SPAG16: variants seen among roughly 807,000 people sequenced by gnomAD.
The protein encoded by SPAG16 is sperm associated antigen 16.
In SPAG16, 86 loss-of-function variants were observed where a neutral mutation model predicts 80.4. That is an observed-to-expected ratio of 1.07 (90% CI 0.90 to 1.28). The LOEUF is 1.28. SPAG16 is among the 50% of genes most tolerant of loss of function. The pLI, the probability that SPAG16 is intolerant of heterozygous loss-of-function variation, is 0.00. For missense variants in SPAG16, 870 were observed against 765.3 expected, an observed-to-expected ratio of 1.14 and a Z score of -1.61; for synonymous variants, 294 against 265.9, an observed-to-expected ratio of 1.11 and a Z score of -1.03.
intron 15 of SPAG16, among the ~76,000 whole-genome samples, chr2:214,210,642 T>A (rs190972915): frequency 1.9e-4 from 29 of 152,206 alleles, no homozygotes; most frequent in African/African-American, 7.0e-4. Context: ...TTTTAAGCAT[T>A]ACAAATGATT....
At chr2:214,042,007 T>TATATATATATATAC (rs1371293247) in intron 13 of SPAG16, among the ~76,000 whole-genome samples, 16 of 101,216 alleles carry the variant, frequency 1.6e-4, no homozygotes, top group African/African-American at 6.1e-4. Flanking sequence ...TATATATATA[T>TATATATATATATAC]ACACACACAC....
At chr2:214,101,580 G>A (rs947520601) in intron 13 of SPAG16, among the ~76,000 whole-genome samples, 2 of 152,104 alleles carry the variant, frequency 1.3e-5, no homozygotes, top group Admixed American at 6.6e-5. Context: ...AGCCCATGGA[G>A]GGTTAGGAGG....
At chr2:213,403,922 CAG>C (rs1184519284) in intron 9 of SPAG16, among the ~76,000 whole-genome samples, 1 of 152,128 alleles carries the variant, frequency 6.6e-6, no homozygotes, top group Non-Finnish European at 1.5e-5. Context: ...AAGAGACAAA[CAG>C]AGAGCCAAAT....
At chr2:213,288,954 T>A (rs1307497739) in intron 1 of SPAG16, among the ~76,000 whole-genome samples, 1 of 152,200 alleles carries the variant, frequency 6.6e-6, no homozygotes, top group African/African-American at 2.4e-5. Context: ...GACTAAGAAC[T>A]ATGTTACTAA....
chr2:213,777,125 A>G (rs568155379), intron 10 of SPAG16, among the ~76,000 whole-genome samples: 1 of 151,322 alleles, frequency 6.6e-6, no homozygotes, highest in East Asian at 1.9e-4. Context: ...TTTGAAAAAT[A>G]TTTCCTAAAG....
intron 10 of SPAG16, among the ~76,000 whole-genome samples, chr2:213,756,772 T>TC (rs1361892005): frequency 6.6e-6 from 1 of 151,750 alleles, no homozygotes; most frequent in Non-Finnish European, 1.5e-5. Flanking sequence ...TCAAATAGTT[T>TC]TTTTTTATAT....
chr2:214,081,463 C>T (rs192447109), intron 13 of SPAG16, among the ~76,000 whole-genome samples: 2 of 152,202 alleles, frequency 1.3e-5, no homozygotes, highest in African/African-American at 2.4e-5. Flanking sequence ...GACTGATGCT[C>T]TCATAAAAAG....
intron 10 of SPAG16, among the ~76,000 whole-genome samples, chr2:213,502,359 G>A (rs1409136228): frequency 1.3e-5 from 2 of 152,122 alleles, no homozygotes; most frequent in Non-Finnish European, 2.9e-5. Context: ...CTGGGCTCAA[G>A]CGATTCTTCT....
At chr2:213,423,396 A>G (rs1156684977) in intron 9 of SPAG16, among the ~76,000 whole-genome samples, 1 of 152,202 alleles carries the variant, frequency 6.6e-6, no homozygotes, top group Non-Finnish European at 1.5e-5. Flanking sequence ...CTTAAAATTA[A>G]TGATACAGGA....
chr2:214,068,093 A>C (rs557827657), intron 13 of SPAG16, among the ~76,000 whole-genome samples: 1 of 152,166 alleles, frequency 6.6e-6, no homozygotes, highest in Admixed American at 6.6e-5. Flanking sequence ...TTCCACAACT[A>C]TCACTGGCTC....
At position 213,306,274 on chromosome 2, in the gene SPAG16, G is replaced by A. The variant is rs545761556; in HGVS notation, c.280-3785G>A. Among the ~76,000 whole-genome samples, 11 of 146,576 alleles carry A rather than the reference G, an allele frequency of 7.5e-5. 1 individual carries two copies. In the South Asian group the frequency reaches 2.4e-3, roughly 32 times the overall value. On this transcript the variant is annotated intron_variant, in intron 3 of 15. Coordinates refer to ENST00000331683, the MANE Select transcript of SPAG16 (RefSeq NM_024532.5). ...GTTTTGTCAATTTTGTTTATCTTTT[G>A]AAAAAACCAACATTTGTTTTATTGA...
intron 10 of SPAG16, among the ~76,000 whole-genome samples, chr2:213,781,429 A>G (rs1408301039): frequency 2.6e-5 from 4 of 152,038 alleles, no homozygotes; most frequent in Non-Finnish European, 5.9e-5. Context: ...AATCCCCCCC[A>G]GGTTTCTTCC....
At chr2:213,477,234 C>T (rs997188092) in intron 9 of SPAG16, among the ~76,000 whole-genome samples, 2 of 152,162 alleles carry the variant, frequency 1.3e-5, no homozygotes, top group Non-Finnish European at 1.5e-5. Flanking sequence ...GCTTGAAGGT[C>T]AAGTTTCACC....
At chr2:213,379,733 G>T (rs1193847716) in intron 9 of SPAG16, among the ~76,000 whole-genome samples, 2 of 152,166 alleles carry the variant, frequency 1.3e-5, no homozygotes, top group African/African-American at 4.8e-5. Context: ...CATATTGAGG[G>T]CTCAGTGTTG....
chr2:214,164,534 A>C (rs180712043), intron 15 of SPAG16, among the ~76,000 whole-genome samples: 99 of 152,258 alleles, frequency 6.5e-4, no homozygotes, highest in African/African-American at 2.2e-3. Context: ...TGAGAGATGG[A>C]TCAAAGTGTT....
At chr2:214,402,972 C>A (rs999057845) in intron 15 of SPAG16, among the ~76,000 whole-genome samples, 4 of 150,894 alleles carry the variant, frequency 2.7e-5, no homozygotes, top group African/African-American at 9.8e-5. Context: ...TTTTGATAGA[C>A]ACATCTCTCC....
intron 10 of SPAG16, among the ~76,000 whole-genome samples, chr2:213,850,856 A>G (rs536571542): frequency 6.6e-6 from 1 of 152,276 alleles, no homozygotes; most frequent in Non-Finnish European, 1.5e-5. Context: ...TGAATGTTAT[A>G]AAATGTAAAT....
intron 3 of SPAG16, among the ~76,000 whole-genome samples, chr2:213,303,395 A>G (rs1575129356): frequency 6.6e-6 from 1 of 152,146 alleles, no homozygotes; most frequent in East Asian, 1.9e-4. Context: ...ATATTTCTTT[A>G]TATTACAAAC....
intron 15 of SPAG16, among the ~76,000 whole-genome samples, chr2:214,261,846 C>T (rs1432913489): frequency 1.3e-5 from 2 of 152,006 alleles, no homozygotes; most frequent in East Asian, 3.9e-4. Context: ...TGATGAGAGA[C>T]CTCTGTGGAA....
Sources: gnomAD v4.1 joint callset for allele counts (sites outside exome capture counted in the v4.1 genomes callset) on GRCh38, gnomAD v4.1.1 for gene constraint, MANE v1.5 for transcripts, NCBI Gene and HGNC (gene_info 2026-07-23, HGNC 2026-07-21) for gene names.